TAF12: variants seen among roughly 807,000 people sequenced by gnomAD.
TAF12 encodes the protein transcription initiation factor TFIID subunit 12.
TAF12 carries 3 observed loss-of-function variants against 20.8 expected under a neutral mutation model. That is an observed-to-expected ratio of 0.14 (90% confidence interval 0.07 to 0.37). TAF12 has a LOEUF of 0.37. Among genes scored for constraint, TAF12 ranks in the 10% least tolerant of loss-of-function variants. The probability of loss-of-function intolerance (pLI) is 1.00; values close to 1 mark genes in which losing one functional copy is unlikely to be tolerated. For missense variants in TAF12, 131 were observed against 197.9 expected (o/e 0.66, Z 2.03); for synonymous variants, 69 against 70.2 (o/e 0.98, Z 0.09).
intron 1 of TAF12, among the ~76,000 whole-genome samples, chr1:28,626,059 C>T (rs1667374677): frequency 6.6e-6 from 1 of 151,618 alleles, no homozygotes; most frequent in Non-Finnish European, 1.5e-5. Context: ...CAGCTCACTG[C>T]AACCTCTGCC....
rs556941066 is a variant in TAF12, at chr1:28,611,690, C to T, written c.361+1557G>A. Reference sequence around the variant, plus strand: ...GCAAGAATAGATTCTTCCCTAGGGGCAGCAGAGGAAGCATGACCCTGCTGA... The same window carrying T: ...GCAAGAATAGATTCTTCCCTAGGGGTAGCAGAGGAAGCATGACCCTGCTGA... On this transcript the variant is annotated intron_variant, in intron 4 of 5. Transcript: ENST00000373824. Among the ~76,000 whole-genome samples the T allele has an allele frequency of 5.3e-5, 8 of 152,284 alleles. No individual in the cohort carries two copies. The East Asian group carries it at 1.5e-3, about 29-fold the overall frequency.
intron 1 of TAF12, among the ~76,000 whole-genome samples, chr1:28,633,943 T>A (rs1193700389): frequency 8.0e-6 from 1 of 125,414 alleles, no homozygotes; most frequent in East Asian, 2.4e-4. Context: ...ATTAGCCAGG[T>A]GTGGTGGCGC....
At chr1:28,632,255 T>C (rs1667655912) in intron 1 of TAF12, among the ~76,000 whole-genome samples, 1 of 152,006 alleles carries the variant, frequency 6.6e-6, no homozygotes, top group Non-Finnish European at 1.5e-5. Context: ...CTGGCCAACA[T>C]GGTGAAACGC....
intron 1 of TAF12, among the ~76,000 whole-genome samples, chr1:28,641,966 C>G (rs1557477478): frequency 6.6e-6 from 1 of 152,190 alleles, no homozygotes; most frequent in Middle Eastern, 3.4e-3. Flanking sequence ...CCTCTTTGAA[C>G]CTTAGCCTTC....
intron 1 of TAF12, among the ~76,000 whole-genome samples, chr1:28,641,223 T>G (rs1032988638): frequency 6.6e-6 from 1 of 152,162 alleles, no homozygotes; most frequent in Admixed American, 6.6e-5. Flanking sequence ...GGCTCATTTC[T>G]ATAATCCCAG....
intron 4 of TAF12, among the ~76,000 whole-genome samples, chr1:28,608,898 AC>A (rs1666762319): frequency 1.3e-5 from 2 of 151,412 alleles, no homozygotes; most frequent in Admixed American, 6.6e-5. Flanking sequence ...CCGAGGTCAC[AC>A]CCTTGCATTC....
intron 1 of TAF12, among the ~76,000 whole-genome samples, chr1:28,626,967 T>C (rs1667422988): frequency 6.6e-6 from 1 of 152,158 alleles, no homozygotes; most frequent in South Asian, 2.1e-4. Context: ...CCTATCTACA[T>C]AGTACCAAAT....
intron 2 of TAF12, among the ~76,000 whole-genome samples, chr1:28,620,742 A>C (rs1200658588): frequency 6.6e-6 from 1 of 152,150 alleles, no homozygotes; most frequent in Non-Finnish European, 1.5e-5. Flanking sequence ...CGAACCCAGA[A>C]ATTTGAGGCT....
At chr1:28,645,504 T>C (rs1238214500), upstream of TAF12, among the ~76,000 whole-genome samples, 2 of 150,710 alleles carry the variant, frequency 1.3e-5, no homozygotes, top group African/African-American at 4.9e-5. Flanking sequence ...AAAAATTAGC[T>C]GGGCGTGGTG....
chr1:28,629,771 G>C (rs1378892274), intron 1 of TAF12, among the ~76,000 whole-genome samples: 1 of 151,972 alleles, frequency 6.6e-6, no homozygotes, highest in South Asian at 2.1e-4. Flanking sequence ...CTCTTGAGTA[G>C]CTGGGGCTAC....
chr1:28,632,475 C>T (rs1464940788), intron 1 of TAF12, among the ~76,000 whole-genome samples: 1 of 152,068 alleles, frequency 6.6e-6, no homozygotes. Context: ...GAGATCGCAC[C>T]ATTGCACTCC....
chr1:28,605,719 C>G (rs1189051937), intron 4 of TAF12, among the ~76,000 whole-genome samples: 1 of 152,164 alleles, frequency 6.6e-6, no homozygotes, highest in Non-Finnish European at 1.5e-5. Context: ...TTGACTACCC[C>G]AGCACAAGCG....
intron 1 of TAF12, among the ~76,000 whole-genome samples, chr1:28,625,909 G>GCC (rs1271580308): frequency 1.3e-5 from 2 of 151,384 alleles, no homozygotes; most frequent in African/African-American, 4.9e-5. Flanking sequence ...CTAACTCCTG[G>GCC]CCTCAAGTAA....
intron 2 of TAF12, 78 bp from the exon 3 acceptor site, chr1:28,618,108 G>A: frequency 7.2e-7 from 1 of 1,385,916 alleles, no homozygotes; most frequent in Non-Finnish European, 1.0e-6. Flanking sequence ...ATGAAGAAAG[G>A]CTGTCAAATT....
At chr1:28,628,724 T>C (rs1029380890) in intron 1 of TAF12, among the ~76,000 whole-genome samples, 8 of 152,138 alleles carry the variant, frequency 5.3e-5, no homozygotes, top group African/African-American at 1.9e-4. Flanking sequence ...AGAGAAATTG[T>C]TCAATGAATG....
intron 1 of TAF12, among the ~76,000 whole-genome samples, chr1:28,639,162 C>T (rs1667947929): frequency 6.6e-6 from 1 of 150,422 alleles, no homozygotes; most frequent in Admixed American, 6.6e-5. Context: ...GCAACTTCCA[C>T]CTCCCACCTT....
intron 1 of TAF12, among the ~76,000 whole-genome samples, chr1:28,631,121 T>G (rs183401837): frequency 1.8e-4 from 28 of 151,880 alleles, no homozygotes; most frequent in Admixed American, 1.6e-3. Flanking sequence ...AACAAATGAC[T>G]TGTATCCAGC....
intron 1 of TAF12, among the ~76,000 whole-genome samples, chr1:28,638,784 C>T (rs970413251): frequency 3.4e-5 from 5 of 149,068 alleles, no homozygotes; most frequent in Non-Finnish European, 7.4e-5. Context: ...CCTCACCTGG[C>T]CTATTTTTTT....
intron 3 of TAF12, 108 bp from the exon 4 acceptor site, chr1:28,613,469 T>A: frequency 2.2e-6 from 2 of 893,520 alleles, no homozygotes; most frequent in Non-Finnish European, 3.4e-6. Flanking sequence ...GGCATTCTAG[T>A]AGAAGGCTGG....
Sources: allele counts gnomAD v4.1 joint callset (sites outside exome capture counted in the v4.1 genomes callset), GRCh38; gene constraint gnomAD v4.1.1; transcripts MANE v1.5; gene names NCBI Gene and HGNC (gene_info 2026-07-23, HGNC 2026-07-21).